The following USP33 variants were observed in gnomAD, a reference collection of about 807,000 sequenced individuals.
USP33 encodes the protein ubiquitin carboxyl-terminal hydrolase 33.
USP33 carries 46 observed loss-of-function variants against 124.2 expected under a neutral mutation model. The ratio of observed to expected loss-of-function variants is 0.37; its 90% CI spans 0.29 to 0.47. The LOEUF (loss-of-function observed/expected upper bound fraction) is 0.47, where lower values mean the gene tolerates loss of function less well. Among genes scored for constraint, USP33 ranks in the 20% least tolerant of loss-of-function variants. The probability of loss-of-function intolerance (pLI) is 0.99; values close to 1 mark genes in which losing one functional copy is unlikely to be tolerated. For synonymous variants in USP33, 350 were observed against 352.3 expected (o/e 0.99, Z 0.07); for missense variants, 851 against 1,070.6 (o/e 0.79, Z 2.86).
At chr1:77,727,971 T>C (rs1374132521) in intron 10 of USP33, among the ~76,000 whole-genome samples, 1 of 152,226 alleles carries the variant, frequency 6.6e-6, no homozygotes, top group Non-Finnish European at 1.5e-5. Flanking sequence ...TTTGGGTTAT[T>C]TGCTTTTTTC....
At position 77,723,331 on chromosome 1, in the gene USP33, C is replaced by T; in HGVS notation, c.1389G>A (p.Arg463=). The change falls in exon 12 of 24, where the codon AGG becomes AGA. Residue 463 remains arginine, a splice_region_variant and synonymous_variant. Coordinates refer to ENST00000370794, the MANE Select transcript of USP33 (RefSeq NM_201624.3). ...ISSVQCLTCD[R]VSVTLETFQD... is the part of the protein sequence containing the mutation. Reference sequence around the variant, plus strand: ...TGTATTCTAATACCCTCATACTCACCCTGTCACAAGTCAGACACTGCACTG... The same window carrying T: ...TGTATTCTAATACCCTCATACTCACTCTGTCACAAGTCAGACACTGCACTG... 1 of 1,596,682 alleles carries T rather than the reference C, an allele frequency of 6.3e-7. No homozygotes were observed. Among genetic ancestry groups the T allele is most frequent in the Non-Finnish European group, 8.6e-7 (1 of 1,166,034 alleles).
At chr1:77,713,073 T>C (rs1393005927) in intron 20 of USP33, 127 bp downstream of exon 20, 4 of 723,274 alleles carry the variant, frequency 5.5e-6, no homozygotes, top group Non-Finnish European at 8.9e-6. Flanking sequence ...ACTCACACTT[T>C]AGAATGAATA....
intron 1 of USP33, among the ~76,000 whole-genome samples, chr1:77,748,783 C>T (rs866929712): frequency 4.8e-5 from 4 of 84,110 alleles, no homozygotes; most frequent in Admixed American, 1.1e-4. Flanking sequence ...CTTCCCTCCC[C>T]CCCCCCCCCG....
chr1:77,721,245 A>G, intron 14 of USP33, 40 bp from the exon 15 acceptor site: 2 of 1,610,802 alleles, frequency 1.2e-6, no homozygotes, highest in Non-Finnish European at 1.7e-6. Flanking sequence ...TCAAATTAAC[A>G]GCAAATTGCT....
intron 11 of USP33, among the ~76,000 whole-genome samples, chr1:77,724,721 A>G (rs1225798471): frequency 1.3e-5 from 2 of 152,198 alleles, no homozygotes; most frequent in African/African-American, 4.8e-5. Flanking sequence ...AAACAATTCA[A>G]AAGTCCACCA....
At chr1:77,716,286 C>T (rs72683683) in intron 17 of USP33, among the ~76,000 whole-genome samples, 1,877 of 152,196 alleles carry the variant, frequency 0.012, 42 homozygotes, top group South Asian at 0.1. Context: ...TCTCAAACTC[C>T]GAGCCTCAAG....
chr1:77,697,632 CAT>C, intron 23 of USP33, 158 bp from the exon 24 acceptor site: 3 of 972,728 alleles, frequency 3.1e-6, no homozygotes, highest in Non-Finnish European at 4.4e-6. Flanking sequence ...TAAGCTGAAA[CAT>C]ATGGCTTGTC....
intron 5 of USP33, among the ~76,000 whole-genome samples, chr1:77,737,015 T>C (rs1322436004): frequency 3.9e-5 from 6 of 151,988 alleles, no homozygotes; most frequent in Admixed American, 1.3e-4. Flanking sequence ...ACTGATAACC[T>C]GTTAGCCAAA....
intron 21 of USP33, 102 bp from the exon 22 acceptor site, chr1:77,701,573 G>A: frequency 1.1e-6 from 1 of 931,838 alleles, no homozygotes; most frequent in Non-Finnish European, 1.7e-6. Context: ...AGCACTTTGG[G>A]AGGCTGAGGC....
intron 15 of USP33, chr1:77,720,411 A>C: frequency 3.0e-6 from 3 of 985,394 alleles, no homozygotes; most frequent in Non-Finnish European, 3.6e-6. Flanking sequence ...GGCTTCAAGA[A>C]CAAAGTGATA....
At chr1:77,736,210 A>G in intron 5 of USP33, 52 bp from the exon 6 acceptor site, 1 of 1,275,060 alleles carries the variant, frequency 7.8e-7, no homozygotes, top group South Asian at 1.4e-5. Context: ...AATTTAAAAA[A>G]AGTTTTAATT....
At chr1:77,755,548 A>C (rs1350697029) in intron 1 of USP33, among the ~76,000 whole-genome samples, 1 of 152,162 alleles carries the variant, frequency 6.6e-6, no homozygotes, top group East Asian at 1.9e-4. Flanking sequence ...AAATACAAAA[A>C]TTAGCTGGGT....
Position 77,697,562 on chromosome 1 carries a change from T to C in USP33, c.2579-88A>G, listed in dbSNP as rs185007053. 39 of 1,437,860 alleles carry C rather than the reference T, an allele frequency of 2.7e-5. No homozygotes were observed. The East Asian group carries it at 8.5e-4, about 31-fold the overall frequency. The allele number at this position is 1,437,860 out of a possible 1,614,324, so 89.1% of individuals were successfully genotyped here. A position where few individuals can be genotyped will look rare whatever the true frequency, so the allele number is the denominator to read the frequency against. ...ATAATGTACCCCCCAGCATGAATCT[T>C]CTCGGGATAATTGAGAACTTCTGGA... On this transcript the variant is annotated intron_variant, in intron 23 of 23. Transcript: ENST00000370794.
chr1:77,756,943 C>T (rs1370457096), intron 1 of USP33, among the ~76,000 whole-genome samples: 1 of 152,232 alleles, frequency 6.6e-6, no homozygotes, highest in African/African-American at 2.4e-5. Flanking sequence ...GGATCACATA[C>T]CTCTTCTGAT....
chr1:77,750,664 GAAA>G (rs796513068), intron 1 of USP33, among the ~76,000 whole-genome samples: 11 of 142,846 alleles, frequency 7.7e-5, no homozygotes, highest in African/African-American at 2.8e-4. Flanking sequence ...AAGAAAGAAA[GAAA>G]GAAAGAAAGA....
intron 21 of USP33, among the ~76,000 whole-genome samples, chr1:77,708,533 A>G (rs1674886713): frequency 6.6e-6 from 1 of 152,224 alleles, no homozygotes; most frequent in Admixed American, 6.5e-5. Context: ...GTTTCTGAGC[A>G]CTGCCATAGG....
rs1557840719 is a variant in USP33, at chr1:77,725,645, C to T, written c.1253G>A (p.Gly418Glu). 6.2e-7 allele frequency: 1 copy of T among 1,614,088 alleles called. No homozygotes were observed. The highest frequency in any genetic ancestry group is 1.1e-5 in the South Asian group (1 of 91,072). ...ACCTTTTTTGTGTGGTGGTGCCAAT[C>T]CTGGCCACAAATTGCCTGATTTAGG... ...SPPKSGNLWP[G>E]LAPPHKKAQS... The change falls in exon 11 of 24, where the codon GGA (glycine) becomes GAA (glutamate). Residue 418 changes from glycine to glutamate, a missense_variant. Coordinates refer to ENST00000370794, the MANE Select transcript of USP33 (RefSeq NM_201624.3).
At chr1:77,753,898 C>A (rs1680570991) in intron 1 of USP33, among the ~76,000 whole-genome samples, 1 of 151,608 alleles carries the variant, frequency 6.6e-6, no homozygotes, top group South Asian at 2.1e-4. Flanking sequence ...ATAGTAAGTA[C>A]TCAGTAAATG....
At chr1:77,704,666 CTTCTGT>C (rs1157327632) in intron 21 of USP33, among the ~76,000 whole-genome samples, 6 of 152,124 alleles carry the variant, frequency 3.9e-5, no homozygotes, top group Non-Finnish European at 2.9e-5. Flanking sequence ...ACTTTTCTTC[CTTCTGT>C]TTATCTTTTT....
Sources: allele counts gnomAD v4.1 joint callset (sites outside exome capture counted in the v4.1 genomes callset), GRCh38; gene constraint gnomAD v4.1.1; transcripts MANE v1.5; gene names NCBI Gene and HGNC (gene_info 2026-07-23, HGNC 2026-07-21).